The following NRIP1 variants were observed in gnomAD, a reference collection of about 807,000 sequenced individuals.
NRIP1 encodes nuclear receptor-interacting protein 1.
In NRIP1, 28 loss-of-function variants were observed where a neutral mutation model predicts 75.0. That is an observed-to-expected ratio of 0.37 (90% CI 0.28 to 0.51). The LOEUF (loss-of-function observed/expected upper bound fraction) is 0.51, where lower values mean the gene tolerates loss of function less well. NRIP1 is among the 20% of genes least tolerant of loss of function. The probability of loss-of-function intolerance (pLI) is 0.92; values close to 1 mark genes in which losing one functional copy is unlikely to be tolerated. For missense variants in NRIP1, 1,435 were observed against 1,343.7 expected, an observed-to-expected ratio of 1.07 and a Z score of -1.06; for synonymous variants, 526 against 487.6, an observed-to-expected ratio of 1.08 and a Z score of -1.04.
At chr21:14,973,146 C>T (rs1290610680) in intron 3 of NRIP1, among the ~76,000 whole-genome samples, 1 of 151,902 alleles carries the variant, frequency 6.6e-6, no homozygotes, top group African/African-American at 2.4e-5. Context: ...AGAGACTTTA[C>T]TTGTATGGTA....
At chr21:15,054,411 C>CAT (rs10647749) in intron 1 of NRIP1, among the ~76,000 whole-genome samples, 72,242 of 151,760 alleles carry the variant, frequency 0.48, 19,107 homozygotes, top group East Asian at 0.83. Context: ...TTTTGCTAAA[C>CAT]GTTTTCTAAT....
rs765874186 is a variant in NRIP1, at chr21:14,964,822, G to A, written c.3371C>T (p.Pro1124Leu). ...TKASFFNLRS[P>L]YNSHMGNNAS... is the part of the protein sequence containing the mutation. ...ATTATTTCCCATATGGCTATTGTAA[G>A]GGCTTCTTAAATTAAAGAAAGAAGC... The change falls in exon 4 of 4, where the codon CCT becomes CTT. Residue 1124 changes from proline to leucine, a missense_variant. Pro to Leu is a moderately conservative substitution (Grantham distance 98, BLOSUM62 -3). Coordinates refer to ENST00000318948, the MANE Select transcript of NRIP1 (RefSeq NM_003489.4). 6 of 1,613,324 alleles carry A rather than the reference G, an allele frequency of 3.7e-6. No homozygotes were observed. The highest frequency in any genetic ancestry group is 1.1e-5 in the South Asian group (1 of 90,984).
At chr21:15,029,995 C>A (rs532231350) in intron 2 of NRIP1, among the ~76,000 whole-genome samples, 15 of 152,304 alleles carry the variant, frequency 9.8e-5, no homozygotes, top group African/African-American at 3.6e-4. Flanking sequence ...TCACCCTCTT[C>A]CCCTCAGGAG....
At chr21:15,001,318 T>C (rs1049145883) in intron 3 of NRIP1, among the ~76,000 whole-genome samples, 1 of 152,174 alleles carries the variant, frequency 6.6e-6, no homozygotes, top group Non-Finnish European at 1.5e-5. Context: ...AGTTCACATG[T>C]GGCAAGAGGC....
chr21:15,000,858 C>A (rs570453617), intron 3 of NRIP1, among the ~76,000 whole-genome samples: 219 of 152,150 alleles, frequency 1.4e-3, no homozygotes, highest in African/African-American at 4.7e-3. Context: ...AAGGGAGTTC[C>A]AAAGTTCTTT....
chr21:15,061,557 G>A (rs1234526602), intron 1 of NRIP1, among the ~76,000 whole-genome samples: 1 of 152,096 alleles, frequency 6.6e-6, no homozygotes, highest in Non-Finnish European at 1.5e-5. Context: ...ATTGTATCAA[G>A]CAATCTCAAA....
At chr21:15,052,471 C>A (rs1377758073) in intron 1 of NRIP1, 3 of 152,132 alleles carry the variant, frequency 2.0e-5, no homozygotes, top group African/African-American at 7.2e-5. Context: ...TACTTTTTTT[C>A]CTTTTTAAAA....
chr21:14,996,198 C>T (rs1446550899), intron 3 of NRIP1, among the ~76,000 whole-genome samples: 1 of 152,154 alleles, frequency 6.6e-6, no homozygotes, highest in African/African-American at 2.4e-5. Flanking sequence ...AGATACTTCA[C>T]ATTCTTTTTG....
chr21:15,021,440 ACT>A (rs1202311013), intron 2 of NRIP1, among the ~76,000 whole-genome samples: 1 of 152,092 alleles, frequency 6.6e-6, no homozygotes, highest in Non-Finnish European at 1.5e-5. Context: ...GGCATGAAAG[ACT>A]CTGTGAAGAC....
chr21:15,043,142 T>G (rs181744650), intron 2 of NRIP1, among the ~76,000 whole-genome samples: 2 of 152,326 alleles, frequency 1.3e-5, no homozygotes, highest in African/African-American at 4.8e-5. Context: ...ACTGCCTGAA[T>G]GTTTCAGGTA....
intron 2 of NRIP1, among the ~76,000 whole-genome samples, chr21:15,019,736 C>T (rs1242973318): frequency 2.0e-5 from 3 of 151,988 alleles, no homozygotes; most frequent in Non-Finnish European, 4.4e-5. Flanking sequence ...GATCCACCCA[C>T]CTAGACCTTC....
intron 1 of NRIP1, among the ~76,000 whole-genome samples, chr21:15,053,157 G>A (rs1444484353): frequency 6.6e-6 from 1 of 152,126 alleles, no homozygotes; most frequent in African/African-American, 2.4e-5. Context: ...AAGCAAGATC[G>A]TTTAGAGTAC....
At chr21:15,045,688 T>C (rs2089057953) in intron 1 of NRIP1, among the ~76,000 whole-genome samples, 1 of 152,246 alleles carries the variant, frequency 6.6e-6, no homozygotes, top group African/African-American at 2.4e-5. Context: ...CTGTAGCATG[T>C]AATGCTGTTT....
rs777337306 is a variant in NRIP1 at position 14,967,595 on chromosome 21, C to T, written c.598G>A (p.Asp200Asn). The change falls in exon 4 of 4, where the codon GAT becomes AAT. Residue 200 changes from aspartate (D) to asparagine (N), a missense_variant. Asp to Asn is a conservative substitution (Grantham distance 23). Coordinates refer to ENST00000318948, the MANE Select transcript of NRIP1 (RefSeq NM_003489.4). ...KKSKVKDQKP[D>N]TNLPDVTKNL... is the part of the protein sequence containing the mutation. ...TTAGTCACATCAGGAAGATTCGTAT[C>T]AGGCTTTTGATCTTTAACTTTACTT... 1.2e-6 allele frequency: 2 copies of T among 1,613,892 alleles called. No individual in the cohort carries two copies. Among genetic ancestry groups the T allele is most frequent in the South Asian group, 2.2e-5 (2 of 91,056 alleles).
chr21:15,047,876 C>T (rs1181009709), intron 1 of NRIP1, among the ~76,000 whole-genome samples: 1 of 152,208 alleles, frequency 6.6e-6, no homozygotes, highest in Non-Finnish European at 1.5e-5. Flanking sequence ...TTTGACATGC[C>T]TTCCTCACTG....
intron 3 of NRIP1, chr21:14,992,544 A>T (rs1376681139): frequency 6.6e-6 from 1 of 152,018 alleles, no homozygotes; most frequent in Non-Finnish European, 1.5e-5. Context: ...CCCCCCAAAA[A>T]GTCTAACTAT....
At chr21:15,010,924 A>G (rs1458857687) in intron 3 of NRIP1, among the ~76,000 whole-genome samples, 2 of 152,248 alleles carry the variant, frequency 1.3e-5, no homozygotes, top group Admixed American at 1.3e-4. Context: ...CCACAAGGCC[A>G]GGAAAACACT....
intron 3 of NRIP1, among the ~76,000 whole-genome samples, chr21:15,013,671 C>G (rs897036334): frequency 3.3e-5 from 5 of 152,196 alleles, no homozygotes; most frequent in African/African-American, 4.8e-5. Flanking sequence ...TACTAGAAAA[C>G]AGGAGTGTTA....
At chr21:15,050,115 G>T (rs1044904514) in intron 1 of NRIP1, 12 of 152,518 alleles carry the variant, frequency 7.9e-5, no homozygotes, top group African/African-American at 2.7e-4. Context: ...ACCACATCTT[G>T]GTATTTTAAT....
Sources: allele counts gnomAD v4.1 joint callset (sites outside exome capture counted in the v4.1 genomes callset), GRCh38; gene constraint gnomAD v4.1.1; transcripts MANE v1.5; gene names NCBI Gene and HGNC (gene_info 2026-07-23, HGNC 2026-07-21).